Variants in KCNH8 observed in about 807,000 individuals in gnomAD.
KCNH8 encodes potassium voltage-gated channel subfamily H member 8, also known as voltage-gated delayed rectifier potassium channel KCNH8.
Under a neutral mutation model 103.6 loss-of-function variants are expected in KCNH8, and 70 were observed. That is an observed-to-expected ratio of 0.68 (90% CI 0.56 to 0.82). KCNH8 has a LOEUF of 0.82. Among genes scored for constraint, KCNH8 ranks in the 40% least tolerant of loss-of-function variants. The probability of loss-of-function intolerance (pLI) is 0.00; values close to 1 mark genes in which losing one functional copy is unlikely to be tolerated. For synonymous variants in KCNH8, 498 were observed against 489.4 expected, an observed-to-expected ratio of 1.02 and a Z score of -0.23; for missense variants, 1,217 against 1,329.9, an observed-to-expected ratio of 0.92 and a Z score of 1.32.
intron 1 of KCNH8, among the ~76,000 whole-genome samples, chr3:19,252,463 C>A (rs2064291342): frequency 6.6e-6 from 1 of 151,598 alleles, no homozygotes; most frequent in African/African-American, 2.4e-5. Flanking sequence ...GATCTTGACT[C>A]ACTGCAACCT....
intron 7 of KCNH8, among the ~76,000 whole-genome samples, chr3:19,424,479 TAAATC>T (rs2066997390): frequency 3.9e-5 from 6 of 152,122 alleles, no homozygotes; most frequent in Admixed American, 3.9e-4. Flanking sequence ...ATCAAAGACT[TAAATC>T]TAAGACCTGA....
chr3:19,353,439 A>AT (rs2065833521), intron 5 of KCNH8, among the ~76,000 whole-genome samples: 1 of 152,186 alleles, frequency 6.6e-6, no homozygotes, highest in Non-Finnish European at 1.5e-5. Context: ...AAAAAAGAGA[A>AT]TTTTAGATCA....
chr3:19,289,550 A>C (rs572287568), intron 3 of KCNH8, among the ~76,000 whole-genome samples: 282 of 152,154 alleles, frequency 1.9e-3, no homozygotes, highest in Non-Finnish European at 2.7e-3. Context: ...ATGCAGCATT[A>C]TTTCTGAGGG....
intron 5 of KCNH8, among the ~76,000 whole-genome samples, chr3:19,385,332 T>C (rs981835786): frequency 6.6e-6 from 1 of 152,028 alleles, no homozygotes; most frequent in Non-Finnish European, 1.5e-5. Flanking sequence ...CATGTATCAA[T>C]AGAAAAAAGA....
intron 11 of KCNH8, among the ~76,000 whole-genome samples, chr3:19,480,833 A>T (rs918098325): frequency 2.0e-5 from 3 of 152,210 alleles, no homozygotes; most frequent in African/African-American, 7.2e-5. Context: ...CATGCCAAAA[A>T]AACAATTATC....
At chr3:19,470,224 T>C (rs2125202104) in intron 11 of KCNH8, among the ~76,000 whole-genome samples, 1 of 152,284 alleles carries the variant, frequency 6.6e-6, no homozygotes, top group South Asian at 2.1e-4. Context: ...AGGGGAGATT[T>C]AATGTAAGAA....
chr3:19,475,164 T>A (rs937104066), intron 11 of KCNH8, among the ~76,000 whole-genome samples: 4 of 152,194 alleles, frequency 2.6e-5, no homozygotes, highest in African/African-American at 9.7e-5. Context: ...TGAGGCATCA[T>A]CCTTCCAATG....
At chr3:19,429,281 C>T (rs979396786) in intron 7 of KCNH8, among the ~76,000 whole-genome samples, 2 of 150,040 alleles carry the variant, frequency 1.3e-5, no homozygotes, top group Non-Finnish European at 3.0e-5. Flanking sequence ...TCACGGCATT[C>T]TCCTGCCTCA....
chr3:19,415,241 T>TA (rs1386843365), intron 7 of KCNH8, among the ~76,000 whole-genome samples: 3 of 152,004 alleles, frequency 2.0e-5, no homozygotes, highest in Non-Finnish European at 4.4e-5. Context: ...ACTCATTTAA[T>TA]ATTGTCACAA....
intron 5 of KCNH8, among the ~76,000 whole-genome samples, chr3:19,357,858 G>A (rs1262696696): frequency 6.6e-6 from 1 of 151,838 alleles, no homozygotes; most frequent in African/African-American, 2.4e-5. Flanking sequence ...TAAATAAAGG[G>A]ATAAAGCTGA....
Position 19,501,273 on chromosome 3 carries a change from TG to T in KCNH8, c.2041-9088del, listed in dbSNP as rs1214508270. Among the ~76,000 whole-genome samples the T allele has an allele frequency of 7.2e-5, 11 of 152,260 alleles. No homozygotes were observed. In the East Asian group the frequency reaches 1.4e-3, roughly 19 times the overall value. Reference sequence around the variant, plus strand: ...AGACCAATAACAGGAGCTGAAATTGTGGCAATAATCAATAGCTTACCAACGA... The same window carrying T: ...AGACCAATAACAGGAGCTGAAATTGTGCAATAATCAATAGCTTACCAACGA... On this transcript the variant is annotated intron_variant, in intron 11 of 15. Coordinates refer to ENST00000328405, the MANE Select transcript of KCNH8 (RefSeq NM_144633.3).
intron 11 of KCNH8, among the ~76,000 whole-genome samples, chr3:19,480,296 G>A (rs2068061865): frequency 6.6e-6 from 1 of 152,166 alleles, no homozygotes. Context: ...GCTTCCTTCT[G>A]CCTCAACAGG....
intron 11 of KCNH8, among the ~76,000 whole-genome samples, chr3:19,469,845 G>A (rs1036528928): frequency 1.3e-5 from 2 of 152,050 alleles, no homozygotes; most frequent in Non-Finnish European, 2.9e-5. Flanking sequence ...CTTAGTGATT[G>A]CCTAAGATGA....
intron 3 of KCNH8, among the ~76,000 whole-genome samples, chr3:19,285,985 T>C (rs79719346): frequency 0.025 from 3,775 of 152,244 alleles, 124 homozygotes; most frequent in East Asian, 0.084. Flanking sequence ...AGATGATTTG[T>C]GTGTGGAGTA....
intron 1 of KCNH8, among the ~76,000 whole-genome samples, chr3:19,206,847 GAA>G: frequency 6.6e-6 from 1 of 152,168 alleles, no homozygotes; most frequent in Non-Finnish European, 1.5e-5. Flanking sequence ...AATTTAGAGA[GAA>G]AAGCCTGCCA....
At chr3:19,409,081 G>A (rs2165625) in intron 7 of KCNH8, among the ~76,000 whole-genome samples, 95,567 of 151,770 alleles carry the variant, frequency 0.63, 30,449 homozygotes, top group Middle Eastern at 0.7. Flanking sequence ...GACTATCCAA[G>A]GTCAGCACTA....
chr3:19,261,850 C>G (rs73048559), intron 2 of KCNH8, among the ~76,000 whole-genome samples: 1 of 151,632 alleles, frequency 6.6e-6, no homozygotes, highest in Non-Finnish European at 1.5e-5. Context: ...TTCCCAGTAT[C>G]ATTTATTGAA....
intron 1 of KCNH8, among the ~76,000 whole-genome samples, chr3:19,183,831 G>T (rs1043069125): frequency 2.0e-5 from 3 of 152,124 alleles, no homozygotes; most frequent in Non-Finnish European, 4.4e-5. Flanking sequence ...GTCAGCATAA[G>T]AAAGAGAAAG....
At chr3:19,222,498 G>T (rs1467351031) in intron 1 of KCNH8, among the ~76,000 whole-genome samples, 1 of 152,160 alleles carries the variant, frequency 6.6e-6, no homozygotes, top group Non-Finnish European at 1.5e-5. Flanking sequence ...ACAGGTCAAA[G>T]CATGTGCATT....
Sources: allele counts gnomAD v4.1 joint callset (sites outside exome capture counted in the v4.1 genomes callset), GRCh38; gene constraint gnomAD v4.1.1; transcripts MANE v1.5; gene names NCBI Gene and HGNC (gene_info 2026-07-23, HGNC 2026-07-21).